The following ZNF397 variants were observed in gnomAD, a reference collection of about 807,000 sequenced individuals.
The protein encoded by ZNF397 is zinc finger protein 397, also known as zinc finger and SCAN domain-containing protein 15.
Under a neutral mutation model 50.6 loss-of-function variants are expected in ZNF397, and 38 were observed. The ratio of observed to expected loss-of-function variants is 0.75; its 90% confidence interval spans 0.58 to 0.98. The LOEUF (loss-of-function observed/expected upper bound fraction) is 0.98. Ranked by LOEUF, ZNF397 falls within the 50% of genes least tolerant of loss-of-function variation. The pLI is 0.00. For synonymous variants in ZNF397, 228 were observed against 215.2 expected, an observed-to-expected ratio of 1.06 and a Z score of -0.52; for missense variants, 624 against 624.1, an observed-to-expected ratio of 1.00 and a Z score of 0.00.
downstream of ZNF397, chr18:35,253,762 C>T (rs376553539): frequency 6.2e-7 from 1 of 1,613,058 alleles, no homozygotes; most frequent in Admixed American, 1.7e-5. Context: ...TGAAGGCCTT[C>T]CCACATTCTC....
In ZNF397 at chr18:35,242,406, T is replaced by G; in HGVS notation, c.-65T>G. On this transcript the variant is annotated 5_prime_UTR_variant, in exon 2 of 4. Coordinates refer to ENST00000330501, the MANE Select transcript of ZNF397 (RefSeq NM_001135178.3). ...TATCCTTCAGGAAAGAAGAGATTAC[T>G]CACACTCCTTCGCAAGCACAGAACC... 1.3e-6 allele frequency: 2 copies of G among 1,483,718 alleles called. No individual in the cohort carries two copies. Among genetic ancestry groups the G allele is most frequent in the Middle Eastern group, 1.9e-4 (1 of 5,292 alleles). The allele number at this position is 1,483,718 out of a possible 1,614,324, so 91.9% of individuals were successfully genotyped here.
At position 35,247,254 on chromosome 18, in the gene ZNF397, T is replaced by C; in HGVS notation, c.*944T>C. On this transcript the variant is annotated 3_prime_UTR_variant, in exon 4 of 4. Coordinates refer to ENST00000330501, the MANE Select transcript of ZNF397 (RefSeq NM_001135178.3). The stretch of plus-strand genomic sequence containing the variant: ...CTGGAGCCCTTGGGCCACAGGGTAG[T>C]CAAGAGCTTTGTCTTGGTTTATGTG... The C allele has an allele frequency of 1.1e-6, 1 of 887,230 alleles. No individual in the cohort carries two copies. Among genetic ancestry groups the C allele is most frequent in the Non-Finnish European group, 1.4e-6 (1 of 740,370 alleles). The allele number at this position is 887,230 out of a possible 1,614,324, so 55.0% of individuals were successfully genotyped here.
At chr18:35,244,704 TGG>T (rs1912797816) in intron 3 of ZNF397, among the ~76,000 whole-genome samples, 1 of 142,802 alleles carries the variant, frequency 7.0e-6, no homozygotes, top group South Asian at 2.1e-4. Context: ...AAGTACTTAG[TGG>T]ATTAAAGAGC....
intron 3 of ZNF397, 22 bp from the exon 4 acceptor site, chr18:35,245,240 T>G: frequency 6.4e-7 from 1 of 1,559,310 alleles, no homozygotes; most frequent in Non-Finnish European, 8.7e-7. Context: ...AATATCTGTT[T>G]TTTTGCTACT....
chr18:35,258,900 AAG>A (rs2043938364), downstream of ZNF397: 6 of 152,578 alleles, frequency 3.9e-5, no homozygotes, highest in Non-Finnish European at 7.3e-5. Context: ...AAAAAAAAAA[AAG>A]GTCAAAGTGC....
chr18:35,253,720 T>G, downstream of ZNF397: 1 of 1,614,134 alleles, frequency 6.2e-7, no homozygotes, highest in Non-Finnish European at 8.5e-7. Flanking sequence ...CAGTGTGAAT[T>G]TTCTTATGCT....
At chr18:35,241,346 TAAAAATAG>T (rs1236450812) in intron 1 of ZNF397, 2 of 152,366 alleles carry the variant, frequency 1.3e-5, no homozygotes, top group Non-Finnish European at 2.9e-5. Context: ...ACCAAGGATA[TAAAAATAG>T]AAGGGCTAGT....
At chr18:35,241,257 A>C (rs974795277) in intron 1 of ZNF397, 148 bp downstream of exon 1, 13 of 152,216 alleles carry the variant, frequency 8.5e-5, no homozygotes, top group African/African-American at 3.1e-4. Context: ...AACTCAGAGG[A>C]GGCCAGCACT....
chr18:35,246,729 C>T lies in ZNF397; in HGVS notation c.*419C>T, dbSNP rs1355991578. On this transcript the variant is annotated 3_prime_UTR_variant, in exon 4 of 4. Transcript: ENST00000330501. ...AACTAAAAAAAAAAAAAAAACTGACCCAATAAAGAACAGTGACAGAGCAGC... is the reference window on the plus strand; with the variant it reads ...AACTAAAAAAAAAAAAAAAACTGACTCAATAAAGAACAGTGACAGAGCAGC... 5 of 988,974 alleles carry T rather than the reference C, an allele frequency of 5.1e-6. No homozygotes were observed. The highest frequency in any genetic ancestry group is 6.0e-6 in the Non-Finnish European group (5 of 832,618). The allele number at this position is 988,974 out of a possible 1,614,324, so 61.3% of individuals were successfully genotyped here. A position where few individuals can be genotyped will look rare whatever the true frequency, so the allele number is the denominator to read the frequency against.
At position 35,247,596 on chromosome 18, in the gene ZNF397, A is replaced by G. The variant is rs1044548158; in HGVS notation, c.*1286A>G. 10 of 150,700 alleles carry G rather than the reference A, an allele frequency of 6.6e-5. No homozygotes were observed. Among genetic ancestry groups the G allele is most frequent in the African/African-American group, 2.4e-4 (10 of 40,832 alleles). The allele number at this position is 150,700 out of a possible 1,614,324, so 9.3% of individuals were successfully genotyped here. ...ATATTTGTCAGTTGCTGGGTCTGTG[A>G]CATTCTTTGGGCACCTCGCACATGT... is the stretch of plus-strand genomic sequence containing the variant. On this transcript the variant is annotated 3_prime_UTR_variant, in exon 4 of 4. Transcript: ENST00000330501.
rs1250387520 is a variant in ZNF397, at chr18:35,247,200, A to T, written c.*890A>T. 1 of 984,834 alleles carries T rather than the reference A, an allele frequency of 1.0e-6. No homozygotes were observed. The highest frequency in any genetic ancestry group is 1.7e-5 in the African/African-American group (1 of 57,224). The allele number at this position is 984,834 out of a possible 1,614,324, so 61.0% of individuals were successfully genotyped here. A position where few individuals can be genotyped will look rare whatever the true frequency, so the allele number is the denominator to read the frequency against. On this transcript the variant is annotated 3_prime_UTR_variant, in exon 4 of 4. Coordinates refer to ENST00000330501, the MANE Select transcript of ZNF397 (RefSeq NM_001135178.3). ...CTGGCCAGACTCTTAAGCAGTGCCA[A>T]TGGAGAAGTTCCTGTTAATAGACAA...
At chr18:35,256,772 GTTGTTGT>G (rs2043838373) in intron 5 of ZNF397, among the ~76,000 whole-genome samples, 1 of 151,128 alleles carries the variant, frequency 6.6e-6, no homozygotes, top group African/African-American at 2.5e-5. Context: ...TGTTGTTGTT[GTTGTTGT>G]TTGTTTGTTT....
intron 3 of ZNF397, chr18:35,244,036 C>G (rs1002672100): frequency 2.6e-5 from 4 of 155,026 alleles, no homozygotes; most frequent in African/African-American, 9.6e-5. Flanking sequence ...TAGAAGTTAG[C>G]TGCAAATGGA....
intron 5 of ZNF397, among the ~76,000 whole-genome samples, chr18:35,255,236 C>T (rs1249578772): frequency 1.3e-5 from 2 of 151,132 alleles, no homozygotes; most frequent in Non-Finnish European, 3.0e-5. Flanking sequence ...TACTGGAAAT[C>T]TCTCTAGATA....
chr18:35,246,045 A>G lies in ZNF397; in HGVS notation c.1340A>G (p.His447Arg), dbSNP rs1023601197. The G allele has an allele frequency of 1.4e-5, 22 of 1,564,622 alleles. No individual in the cohort carries two copies. The highest frequency in any genetic ancestry group is 2.4e-5 in the East Asian group (1 of 41,718). Reference protein sequence around the residue: ...SSELITHQRIHSGEKPYECSE... With the variant: ...SSELITHQRIRSGEKPYECSE... Reference sequence around the variant, plus strand: ...GAGCTGATTACTCATCAGAGAATACATAGTGGAGAGAAACCCTATGAATGT... The same window carrying G: ...GAGCTGATTACTCATCAGAGAATACGTAGTGGAGAGAAACCCTATGAATGT... The change falls in exon 4 of 4, where the codon CAT becomes CGT. Residue 447 changes from histidine (H) to arginine (R), a missense_variant. By Grantham distance (29) the His-to-Arg change is conservative. Coordinates refer to ENST00000330501, the MANE Select transcript of ZNF397 (RefSeq NM_001135178.3).
chr18:35,258,149 A>G (rs1314147402), exon 6 of ZNF397: 3 of 614,306 alleles, frequency 4.9e-6, no homozygotes, highest in Non-Finnish European at 8.8e-6. Flanking sequence ...AAGGATCCAC[A>G]TTAATTCTTC....
chr18:35,253,423 A>C (rs374959662), downstream of ZNF397: 4 of 1,523,506 alleles, frequency 2.6e-6, no homozygotes, highest in Non-Finnish European at 3.5e-6. Context: ...CTTGCATTTC[A>C]CAATTGTACA....
rs867566518 is a variant in ZNF397, at chr18:35,248,287, A to G, written c.*1977A>G. ...AAGTAATGCTCTTATTGGGGCGTGC[A>G]TCAGTGGACATGTGCTAACCAGTAA... On this transcript the variant is annotated 3_prime_UTR_variant, in exon 4 of 4. Transcript: ENST00000330501. The G allele has an allele frequency of 8.5e-5, 13 of 152,216 alleles. No individual in the cohort carries two copies. Among genetic ancestry groups the G allele is most frequent in the African/African-American group, 3.1e-4 (13 of 41,448 alleles). The allele number at this position is 152,216 out of a possible 1,614,324, so 9.4% of individuals were successfully genotyped here. A position where few individuals can be genotyped will look rare whatever the true frequency, so the allele number is the denominator to read the frequency against.
chr18:35,247,099 A>G lies in ZNF397; in HGVS notation c.*789A>G, dbSNP rs545355694. The stretch of plus-strand genomic sequence containing the variant: ...GTACCCCAGTAAAGAACAGTAGCCA[A>G]AGGCCAGAAACAAAGTGTGGAGCAT... On this transcript the variant is annotated 3_prime_UTR_variant, in exon 4 of 4. Transcript: ENST00000330501. 1.0e-5 allele frequency: 10 copies of G among 985,560 alleles called. No individual in the cohort carries two copies. The East Asian group carries it at 1.1e-3, about 112-fold the overall frequency. The allele number at this position is 985,560 out of a possible 1,614,324, so 61.1% of individuals were successfully genotyped here. A position where few individuals can be genotyped will look rare whatever the true frequency, so the allele number is the denominator to read the frequency against.
Sources: allele counts gnomAD v4.1 joint callset (sites outside exome capture counted in the v4.1 genomes callset), GRCh38; gene constraint gnomAD v4.1.1; transcripts MANE v1.5; gene names NCBI Gene and HGNC (gene_info 2026-07-23, HGNC 2026-07-21).